LTBP2: variants seen among roughly 807,000 people sequenced by gnomAD.
The protein encoded by LTBP2 is latent transforming growth factor beta binding protein 2.
LTBP2 carries 103 observed loss-of-function variants against 210.6 expected under a neutral mutation model. That is an observed-to-expected ratio of 0.49 (90% CI 0.42 to 0.58). LTBP2 has a LOEUF of 0.58. LTBP2 is among the 20% of genes least tolerant of loss of function. LTBP2 has a pLI of 0.00. For synonymous variants in LTBP2, 1,007 were observed against 1,015.0 expected (o/e 0.99, Z 0.15); for missense variants, 2,313 against 2,494.5 (o/e 0.93, Z 1.55).
intron 3 of LTBP2, among the ~76,000 whole-genome samples, chr14:74,565,590 GTGAATGATGGGCTCAGTTTTGGA>G (rs1270154097): frequency 6.6e-6 from 1 of 152,212 alleles, no homozygotes; most frequent in African/African-American, 2.4e-5. Context: ...AATCCAAGAA[GTGAATGATGGGCTCAGTTTTGGA>G]TATAATGAGT....
chr14:74,562,691 G>A (rs1412151356), intron 3 of LTBP2, among the ~76,000 whole-genome samples: 2 of 152,124 alleles, frequency 1.3e-5, no homozygotes, highest in Non-Finnish European at 2.9e-5. Context: ...TAAGGGATGT[G>A]CAAATGAAAA....
At chr14:74,521,790 C>T (rs2087205685) in intron 17 of LTBP2, 121 bp downstream of exon 17, 14 of 1,357,468 alleles carry the variant, frequency 1.0e-5, no homozygotes, top group Non-Finnish European at 1.5e-5. Flanking sequence ...TCCTCCTTCA[C>T]TCCTTCAGCT....
chr14:74,551,061 C>T lies in LTBP2; in HGVS notation c.1686+3G>A, dbSNP rs190814774. 1.4e-4 allele frequency: 230 copies of T among 1,613,668 alleles called. No individual in the cohort carries two copies. In the African/African-American group the frequency reaches 1.8e-3, roughly 13 times the overall value. On this transcript the variant is annotated splice_donor_region_variant and intron_variant, in intron 7 of 35. Coordinates refer to ENST00000261978, the MANE Select transcript of LTBP2 (RefSeq NM_000428.3). ...AGGGCTGAGGCCAGAGCTGTGTTCTCACCTGTCCGTTCACAGTGTTCAGGT... is the reference window on the plus strand; with the variant it reads ...AGGGCTGAGGCCAGAGCTGTGTTCTTACCTGTCCGTTCACAGTGTTCAGGT...
chr14:74,554,941 T>C (rs959324290), intron 4 of LTBP2, among the ~76,000 whole-genome samples: 6 of 147,324 alleles, frequency 4.1e-5, no homozygotes, highest in Admixed American at 3.4e-4. Flanking sequence ...GGGGCATGTC[T>C]GTGGGCTGAT....
chr14:74,577,287 C>A lies in LTBP2; in HGVS notation c.830+8567G>T, dbSNP rs543791360. On this transcript the variant is annotated intron_variant, in intron 3 of 35. Coordinates refer to ENST00000261978, the MANE Select transcript of LTBP2 (RefSeq NM_000428.3). ...GTTAACCCCGCAGAGAAAGAGAACT[C>A]AGTGGCCATGAGGAAATGGGTGACA... is the stretch of plus-strand genomic sequence containing the variant. Among the ~76,000 whole-genome samples the A allele has an allele frequency of 8.5e-5, 13 of 152,312 alleles. No individual in the cohort carries two copies. The East Asian group carries it at 1.7e-3, about 20-fold the overall frequency.
chr14:74,558,883 G>C (rs932731095), intron 3 of LTBP2, among the ~76,000 whole-genome samples: 2 of 152,174 alleles, frequency 1.3e-5, no homozygotes, highest in Non-Finnish European at 2.9e-5. Flanking sequence ...GGGCCAGACA[G>C]ATGTTGGTTC....
At chr14:74,585,724 G>C in intron 3 of LTBP2, 130 bp downstream of exon 3, 1 of 1,426,140 alleles carries the variant, frequency 7.0e-7, no homozygotes, top group Non-Finnish European at 9.6e-7. Context: ...AAGCCAAGGA[G>C]GGTGGGGAGG....
intron 2 of LTBP2, among the ~76,000 whole-genome samples, chr14:74,596,703 A>C (rs2088370042): frequency 6.6e-6 from 1 of 152,206 alleles, no homozygotes; most frequent in South Asian, 2.1e-4. Flanking sequence ...TAAAACAAAC[A>C]GGGCTTGGTA....
At chr14:74,550,987 A>C in intron 7 of LTBP2, 77 bp downstream of exon 7, 9 of 1,543,018 alleles carry the variant, frequency 5.8e-6, no homozygotes, top group Non-Finnish European at 8.0e-6. Flanking sequence ...AAGAGGACAG[A>C]GAGGAGGAGA....
At chr14:74,560,422 T>C (rs936579357) in intron 3 of LTBP2, among the ~76,000 whole-genome samples, 1 of 152,106 alleles carries the variant, frequency 6.6e-6, no homozygotes, top group African/African-American at 2.4e-5. Context: ...TGAGGAAAAA[T>C]TCTCATCCCA....
At chr14:74,552,836 T>C in intron 5 of LTBP2, 56 bp downstream of exon 5, 3 of 1,574,948 alleles carry the variant, frequency 1.9e-6, no homozygotes, top group South Asian at 2.3e-5. Flanking sequence ...CCTGGCTCTC[T>C]GGCCATCTAC....
intron 26 of LTBP2, 133 bp from the exon 27 acceptor site, chr14:74,506,956 A>G (rs1224352988): frequency 1.3e-6 from 2 of 1,546,408 alleles, no homozygotes; most frequent in Non-Finnish European, 1.7e-6. Context: ...TATTTGGCTT[A>G]TTAGCACCAA....
In LTBP2 at chr14:74,540,837, ATT is replaced by A. The variant is rs1192446632; in HGVS notation, c.1790-4839_1790-4838del. Among the ~76,000 whole-genome samples the A allele has an allele frequency of 2.8e-3, 84 of 29,522 alleles. 2 individuals are homozygous for A. Among genetic ancestry groups the A allele is most frequent in the African/African-American group, 5.1e-3 (73 of 14,196 alleles). 19.4% of individuals were successfully genotyped at this position (29,522 alleles called of 152,430 possible). A position where few individuals can be genotyped will look rare whatever the true frequency, so the allele number is the denominator to read the frequency against. On this transcript the variant is annotated intron_variant, in intron 8 of 35. Transcript: ENST00000261978. ...ATATATATATTTTTATATAATATAT[ATT>A]TATATATATTATATATATTATATAT... is the stretch of plus-strand genomic sequence containing the variant.
chr14:74,519,495 T>C (rs2087175336), intron 17 of LTBP2, among the ~76,000 whole-genome samples: 1 of 150,782 alleles, frequency 6.6e-6, no homozygotes, highest in Non-Finnish European at 1.5e-5. Flanking sequence ...ATCTTATTGA[T>C]AATATAAATT....
intron 1 of LTBP2, among the ~76,000 whole-genome samples, chr14:74,609,454 G>A (rs995328948): frequency 6.1e-5 from 9 of 147,272 alleles, no homozygotes; most frequent in Non-Finnish European, 9.0e-5. Flanking sequence ...ACCTTCCCCC[G>A]CACCTCACCT....
intron 2 of LTBP2, among the ~76,000 whole-genome samples, chr14:74,599,424 G>A (rs1566655471): frequency 6.7e-6 from 1 of 148,266 alleles, no homozygotes; most frequent in Non-Finnish European, 1.5e-5. Flanking sequence ...TTGGGGTGGG[G>A]TTGGGCGGGA....
chr14:74,564,319 T>TTA (rs1415792938), intron 3 of LTBP2, among the ~76,000 whole-genome samples: 8 of 20,722 alleles, frequency 3.9e-4, no homozygotes, highest in African/African-American at 2.2e-3. Context: ...ATATATATAT[T>TTA]TATATATATA....
intron 14 of LTBP2, 34 bp from the exon 15 acceptor site, chr14:74,525,259 G>T: frequency 8.2e-7 from 1 of 1,222,214 alleles, no homozygotes; most frequent in Non-Finnish European, 1.1e-6. Context: ...GTGGGGTTGT[G>T]GCCCCTTGGC....
chr14:74,546,594 T>C (rs1210672920), intron 8 of LTBP2, among the ~76,000 whole-genome samples: 1 of 152,214 alleles, frequency 6.6e-6, no homozygotes, highest in Non-Finnish European at 1.5e-5. Context: ...CGCGCTGAGA[T>C]GTTCTGAACA....
Sources: gnomAD v4.1 joint callset for allele counts (sites outside exome capture counted in the v4.1 genomes callset) on GRCh38, gnomAD v4.1.1 for gene constraint, MANE v1.5 for transcripts, NCBI Gene and HGNC (gene_info 2026-07-23, HGNC 2026-07-21) for gene names.